Variants in SMC1B observed in about 807,000 individuals in gnomAD.
The protein encoded by SMC1B is structural maintenance of chromosomes 1B, also known as structural maintenance of chromosomes protein 1B.
Under a neutral mutation model 157.9 loss-of-function variants are expected in SMC1B, and 60 were observed. The observed-to-expected ratio is 0.38, with a 90% CI of 0.31 to 0.47. SMC1B has a LOEUF of 0.47. Ranked by LOEUF, SMC1B falls within the 20% of genes least tolerant of loss-of-function variation. SMC1B has a pLI of 0.99. For missense variants in SMC1B, 1,165 were observed against 1,426.2 expected, an observed-to-expected ratio of 0.82 and a Z score of 2.95; for synonymous variants, 445 against 483.0, an observed-to-expected ratio of 0.92 and a Z score of 1.03.
chr22:45,346,944 A>G (rs1465828474), intron 23 of SMC1B, among the ~76,000 whole-genome samples: 4 of 152,244 alleles, frequency 2.6e-5, no homozygotes, highest in Admixed American at 6.5e-5. Context: ...GATGGGTACT[A>G]GTAGGAGTCT....
At chr22:45,397,282 C>T (rs549005458) in intron 6 of SMC1B, among the ~76,000 whole-genome samples, 3 of 152,122 alleles carry the variant, frequency 2.0e-5, no homozygotes, top group African/African-American at 4.8e-5. Flanking sequence ...TTTGGGAAGC[C>T]GAGGCAAGAG....
intron 5 of SMC1B, among the ~76,000 whole-genome samples, chr22:45,399,875 C>T (rs1011028108): frequency 7.2e-5 from 11 of 152,226 alleles, no homozygotes; most frequent in South Asian, 2.1e-4. Context: ...GTTAACAATT[C>T]TGACGCTATT....
chr22:45,406,582 T>A lies in SMC1B; in HGVS notation c.493A>T (p.Ile165Leu). The A allele has an allele frequency of 6.2e-7, 1 of 1,613,706 alleles. No individual in the cohort carries two copies. The highest frequency in any genetic ancestry group is 1.1e-5 in the South Asian group (1 of 91,044). ...FEEISTSGEL[I>L]GEYEEKKRKL... ...CTTTTCTTTTCTTCATATTCTCCTA[T>A]AAGCTCTCCTGAAGTGCTGATTTCC... The change falls in exon 4 of 25, where the codon ATA (isoleucine) becomes TTA (leucine). Residue 165 changes from isoleucine (I) to leucine (L), a missense_variant. Physicochemically the swap from Ile to Leu is conservative, Grantham distance 5. Coordinates refer to ENST00000357450, the MANE Select transcript of SMC1B (RefSeq NM_148674.5).
chr22:45,376,568 G>A (rs930374578), intron 12 of SMC1B, among the ~76,000 whole-genome samples: 1 of 151,986 alleles, frequency 6.6e-6, no homozygotes, highest in Non-Finnish European at 1.5e-5. Flanking sequence ...ACAGGTTTCT[G>A]GGGTGACAAA....
chr22:45,361,777 A>T, intron 17 of SMC1B, 62 bp downstream of exon 17: 1 of 1,472,790 alleles, frequency 6.8e-7, no homozygotes, highest in Non-Finnish European at 9.4e-7. Context: ...TACATTTCAG[A>T]TAGTTGGTGT....
intron 12 of SMC1B, among the ~76,000 whole-genome samples, chr22:45,377,769 C>T (rs2146805996): frequency 6.6e-6 from 1 of 152,080 alleles, no homozygotes; most frequent in East Asian, 1.9e-4. Flanking sequence ...CTCCTGGGCT[C>T]AAGTGATCCT....
intron 1 of SMC1B, among the ~76,000 whole-genome samples, chr22:45,411,621 T>C (rs1337241161): frequency 3.3e-5 from 5 of 152,216 alleles, no homozygotes; most frequent in Non-Finnish European, 7.3e-5. Context: ...TCTTGTTCTG[T>C]TGTTGCCCAG....
intron 5 of SMC1B, among the ~76,000 whole-genome samples, chr22:45,401,843 C>T (rs996602488): frequency 5.3e-5 from 5 of 93,816 alleles, no homozygotes; most frequent in African/African-American, 1.7e-4. Context: ...CAATGAACCT[C>T]GGGTATTACC....
chr22:45,377,018 T>A (rs2086889904), intron 12 of SMC1B, among the ~76,000 whole-genome samples: 1 of 152,212 alleles, frequency 6.6e-6, no homozygotes, highest in African/African-American at 2.4e-5. Flanking sequence ...GGAAGGAAAC[T>A]GTGGATGGGG....
chr22:45,408,497 T>C lies in SMC1B; in HGVS notation c.298+213A>G, dbSNP rs909104338. The stretch of plus-strand genomic sequence containing the variant: ...GACAGTAGGGGGATTTGAACAATTA[T>C]GTCAGTTAAGGAAAAGCAGACATAA... On this transcript the variant is annotated intron_variant, in intron 2 of 24. Coordinates refer to ENST00000357450, the MANE Select transcript of SMC1B (RefSeq NM_148674.5). Among the ~76,000 whole-genome samples the C allele has an allele frequency of 2.6e-5, 4 of 152,322 alleles. No individual in the cohort carries two copies. The South Asian group carries it at 8.3e-4, about 32-fold the overall frequency.
At chr22:45,372,115 G>A (rs1256140244) in intron 13 of SMC1B, 40 bp downstream of exon 13, 1 of 1,520,078 alleles carries the variant, frequency 6.6e-7, no homozygotes, top group East Asian at 2.3e-5. Context: ...TCTATGTTCT[G>A]GGTCAAATGC....
intron 6 of SMC1B, among the ~76,000 whole-genome samples, chr22:45,398,692 G>A (rs1174733566): frequency 6.6e-6 from 1 of 152,134 alleles, no homozygotes; most frequent in East Asian, 1.9e-4. Context: ...AGCCAGGCAT[G>A]GTGGCGCATG....
At chr22:45,367,746 CA>C (rs1458736014) in intron 15 of SMC1B, among the ~76,000 whole-genome samples, 2 of 152,160 alleles carry the variant, frequency 1.3e-5, no homozygotes, top group Non-Finnish European at 2.9e-5. Flanking sequence ...AACCACGAGT[CA>C]GGGGAAATTT....
intron 17 of SMC1B, among the ~76,000 whole-genome samples, chr22:45,361,066 ATACT>A (rs2086717095): frequency 6.6e-6 from 1 of 151,978 alleles, no homozygotes. Flanking sequence ...AACATATGTA[ATACT>A]TACAACGATT....
chr22:45,371,307 G>T (rs1003811910), intron 14 of SMC1B, among the ~76,000 whole-genome samples, 164 bp downstream of exon 14: 11 of 152,088 alleles, frequency 7.2e-5, no homozygotes, highest in African/African-American at 2.4e-4. Flanking sequence ...AAAAACACAA[G>T]GAAAATTTGG....
chr22:45,413,081 T>C (rs900201440), intron 1 of SMC1B, among the ~76,000 whole-genome samples: 1 of 150,726 alleles, frequency 6.6e-6, no homozygotes, highest in Non-Finnish European at 1.5e-5. Context: ...TGGGAGCCCC[T>C]GAGATGAAGG....
At chr22:45,353,893 CAAAAAAAA>C (rs3833396) in intron 21 of SMC1B, 77 bp downstream of exon 21, 6 of 247,470 alleles carry the variant, frequency 2.4e-5, no homozygotes, top group South Asian at 5.8e-5. Flanking sequence ...TATTTCCCAC[CAAAAAAAA>C]AAAAAAAAAA....
chr22:45,396,144 T>C (rs1476806478), intron 7 of SMC1B, among the ~76,000 whole-genome samples: 2 of 152,216 alleles, frequency 1.3e-5, no homozygotes, highest in African/African-American at 2.4e-5. Context: ...GTTTTTCTCC[T>C]TGCACAAAAT....
intron 12 of SMC1B, among the ~76,000 whole-genome samples, chr22:45,375,564 C>T (rs2086876386): frequency 6.6e-6 from 1 of 152,196 alleles, no homozygotes; most frequent in Non-Finnish European, 1.5e-5. Flanking sequence ...TCAGTGTTTT[C>T]ACCATTTAAG....
Sources: allele counts gnomAD v4.1 joint callset (sites outside exome capture counted in the v4.1 genomes callset), GRCh38; gene constraint gnomAD v4.1.1; transcripts MANE v1.5; gene names NCBI Gene and HGNC (gene_info 2026-07-23, HGNC 2026-07-21).